ATG5: variants seen among roughly 807,000 people sequenced by gnomAD.
ATG5 encodes the protein autophagy protein 5.
A neutral mutation model predicts 36.5 loss-of-function variants in ATG5; 14 were observed. The observed-to-expected ratio is 0.38, with a 90% CI of 0.25 to 0.60. The LOEUF (loss-of-function observed/expected upper bound fraction) is 0.60. Among genes scored for constraint, ATG5 ranks in the 20% least tolerant of loss-of-function variants. The pLI, the probability that ATG5 is intolerant of heterozygous loss-of-function variation, is 0.60. For missense variants in ATG5, 195 were observed against 326.7 expected (o/e 0.60, Z 3.11); for synonymous variants, 95 against 101.5 (o/e 0.94, Z 0.38).
intron 5 of ATG5, among the ~76,000 whole-genome samples, chr6:106,257,186 T>C (rs1200067716): frequency 2.6e-5 from 4 of 152,136 alleles, no homozygotes; most frequent in Non-Finnish European, 5.9e-5. Flanking sequence ...ATAACATGAG[T>C]GAAGCTGTCA....
chr6:106,203,904 T>TA (rs544005225), intron 6 of ATG5, among the ~76,000 whole-genome samples: 11 of 152,300 alleles, frequency 7.2e-5, no homozygotes, highest in South Asian at 2.1e-4. Flanking sequence ...ACACAACTGT[T>TA]AGAGATTTGG....
At chr6:106,188,861 T>C (rs1036478923) in intron 7 of ATG5, among the ~76,000 whole-genome samples, 1 of 152,200 alleles carries the variant, frequency 6.6e-6, no homozygotes, top group Non-Finnish European at 1.5e-5. Flanking sequence ...ATATATTATT[T>C]TGTCACTGCC....
chr6:106,311,726 T>A (rs964691885), intron 2 of ATG5, among the ~76,000 whole-genome samples: 1 of 151,876 alleles, frequency 6.6e-6, no homozygotes, highest in African/African-American at 2.4e-5. Flanking sequence ...AGTGACAAGA[T>A]CAGACATGTG....
At chr6:106,200,523 G>A (rs1279738729) in intron 7 of ATG5, among the ~76,000 whole-genome samples, 2 of 149,294 alleles carry the variant, frequency 1.3e-5, no homozygotes, top group Admixed American at 6.7e-5. Context: ...CACCAAGGCT[G>A]GAGTGCAGTG....
intron 6 of ATG5, among the ~76,000 whole-genome samples, chr6:106,203,501 C>A (rs1423455377): frequency 6.6e-6 from 1 of 152,234 alleles, no homozygotes; most frequent in Non-Finnish European, 1.5e-5. Context: ...TACCTCCTCT[C>A]TCCCTCTTAA....
At chr6:106,229,441 G>A (rs999722886) in intron 6 of ATG5, among the ~76,000 whole-genome samples, 6 of 151,970 alleles carry the variant, frequency 3.9e-5, no homozygotes, top group African/African-American at 1.2e-4. Flanking sequence ...AGAGAGGAGA[G>A]AGAGAGAGAC....
At chr6:106,256,949 T>C (rs1297991330) in intron 5 of ATG5, among the ~76,000 whole-genome samples, 1 of 152,250 alleles carries the variant, frequency 6.6e-6, no homozygotes, top group Non-Finnish European at 1.5e-5. Context: ...TTTGAGTCTT[T>C]TGTAATAACA....
chr6:106,214,545 T>A (rs1428116654), intron 6 of ATG5, among the ~76,000 whole-genome samples: 1 of 152,194 alleles, frequency 6.6e-6, no homozygotes, highest in East Asian at 1.9e-4. Context: ...ATTGATACTA[T>A]GATTAAATAA....
chr6:106,238,374 A>T (rs190987281), intron 6 of ATG5, among the ~76,000 whole-genome samples: 163 of 152,276 alleles, frequency 1.1e-3, no homozygotes, highest in South Asian at 6.4e-3. Context: ...AAGACAGCTT[A>T]CCCCAAATAT....
chr6:106,206,005 T>C (rs939752383), intron 6 of ATG5, among the ~76,000 whole-genome samples: 7 of 152,140 alleles, frequency 4.6e-5, no homozygotes, highest in African/African-American at 1.4e-4. Flanking sequence ...TGCTAGCAAA[T>C]AGCAATTAAG....
chr6:106,283,674 AGTAGCT>A (rs1230306305), intron 4 of ATG5: 1 of 152,312 alleles, frequency 6.6e-6, no homozygotes, highest in African/African-American at 2.4e-5. Flanking sequence ...CAGTCTTCTG[AGTAGCT>A]GGGACAACAG....
intron 6 of ATG5, among the ~76,000 whole-genome samples, chr6:106,241,612 A>G (rs373690748): frequency 3.3e-5 from 5 of 152,282 alleles, no homozygotes; most frequent in African/African-American, 1.2e-4. Flanking sequence ...TTCTATATAT[A>G]TGTTTTTTGG....
intron 5 of ATG5, among the ~76,000 whole-genome samples, chr6:106,265,568 T>C (rs529631542): frequency 5.9e-5 from 9 of 152,222 alleles, no homozygotes; most frequent in Admixed American, 1.3e-4. Flanking sequence ...CAGCACCACA[T>C]AGCATGTGTA....
intron 6 of ATG5, among the ~76,000 whole-genome samples, chr6:106,245,705 T>G (rs1254633654): frequency 2.0e-5 from 3 of 152,162 alleles, no homozygotes; most frequent in Non-Finnish European, 4.4e-5. Context: ...AATTATGCCC[T>G]TTATTAATGA....
intron 4 of ATG5, among the ~76,000 whole-genome samples, chr6:106,288,163 G>T (rs1489060640): frequency 6.6e-6 from 1 of 151,840 alleles, no homozygotes. Flanking sequence ...TAGAGACAGG[G>T]TTTCACCATG....
chr6:106,196,030 T>C (rs976288558), intron 7 of ATG5, among the ~76,000 whole-genome samples: 3 of 152,106 alleles, frequency 2.0e-5, no homozygotes, highest in Admixed American at 6.5e-5. Context: ...AGAGTGTCAG[T>C]TCAAAGCACT....
At chr6:106,300,474 T>C (rs547085538) in intron 3 of ATG5, among the ~76,000 whole-genome samples, 163 of 152,284 alleles carry the variant, frequency 1.1e-3, no homozygotes, top group Non-Finnish European at 2.1e-3. Flanking sequence ...CATGTCTATG[T>C]TTAAGATCAA....
intron 7 of ATG5, among the ~76,000 whole-genome samples, chr6:106,188,010 C>A (rs1775836617): frequency 6.6e-6 from 1 of 152,166 alleles, no homozygotes; most frequent in African/African-American, 2.4e-5. Context: ...CTTTATAATA[C>A]TACTAACCTA....
intron 1 of ATG5, among the ~76,000 whole-genome samples, chr6:106,322,288 C>A (rs1771113116): frequency 1.3e-5 from 2 of 152,178 alleles, no homozygotes; most frequent in Non-Finnish European, 2.9e-5. Context: ...ATAATAGTTT[C>A]TTTCACACTA....
Sources: allele counts gnomAD v4.1 joint callset (sites outside exome capture counted in the v4.1 genomes callset), GRCh38; gene constraint gnomAD v4.1.1; transcripts MANE v1.5; gene names NCBI Gene and HGNC (gene_info 2026-07-23, HGNC 2026-07-21).